The following FSTL4 variants were observed in gnomAD, a reference collection of about 807,000 sequenced individuals.
The protein encoded by FSTL4 is follistatin-related protein 4.
A neutral mutation model predicts 78.2 loss-of-function variants in FSTL4; 28 were observed. That is an observed-to-expected ratio of 0.36 (90% CI 0.27 to 0.49). The LOEUF is 0.49. FSTL4 is among the 20% of genes least tolerant of loss of function. The pLI, the probability that FSTL4 is intolerant of heterozygous loss-of-function variation, is 0.98. For missense variants in FSTL4, 922 were observed against 1,084.9 expected (o/e 0.85, Z 2.11); for synonymous variants, 422 against 440.5 (o/e 0.96, Z 0.53).
chr5:133,233,656 C>G (rs1751567989), intron 7 of FSTL4, 119 bp from the exon 8 acceptor site: 1 of 1,254,790 alleles, frequency 8.0e-7, no homozygotes. Context: ...TCTGCCTGGC[C>G]CTTGCTCAGC....
chr5:133,230,548 A>G (rs969828832), intron 8 of FSTL4, among the ~76,000 whole-genome samples: 3 of 152,190 alleles, frequency 2.0e-5, no homozygotes, highest in South Asian at 2.1e-4. Flanking sequence ...GCTTAGAGTG[A>G]GATGCACCCT....
intron 6 of FSTL4, among the ~76,000 whole-genome samples, chr5:133,252,596 G>C (rs1316689945): frequency 6.8e-6 from 1 of 147,502 alleles, no homozygotes; most frequent in East Asian, 2.0e-4. Flanking sequence ...TACATAGAGA[G>C]GGGGAATGCA....
At chr5:133,666,368 G>T in the FSTL4 span, among the ~76,000 whole-genome samples, 2 of 152,024 alleles carry the variant, frequency 1.3e-5, no homozygotes, top group Non-Finnish European at 2.9e-5. Context: ...AATTATAAAA[G>T]AAATTGAATT....
At chr5:133,669,919 ACCTCAAGATAAAGACCCAAAT>A in the FSTL4 span, among the ~76,000 whole-genome samples, 10 of 152,180 alleles carry the variant, frequency 6.6e-5, no homozygotes, top group South Asian at 2.1e-3. Context: ...GTTTCCATGA[ACCTCAAGATAAAGACCCAAAT>A]CCTAGCCTGG....
chr5:133,527,115 C>A (rs1317474159), intron 3 of FSTL4, among the ~76,000 whole-genome samples: 4 of 152,182 alleles, frequency 2.6e-5, no homozygotes, highest in Admixed American at 2.0e-4. Context: ...TCAGTCCCCA[C>A]ATGTCCTCTC....
Position 133,399,268 on chromosome 5 carries a change from C to T in FSTL4, c.409+1470G>A, listed in dbSNP as rs558405019. Among the ~76,000 whole-genome samples, 126 of 152,272 alleles carry T rather than the reference C, an allele frequency of 8.3e-4. 1 individual carries two copies. The highest frequency in any genetic ancestry group is 2.8e-3 in the African/African-American group (118 of 41,546). ...GTGTGCACGGTTGCAGAGGAACTGG[C>T]GGCACGTGGCTGGGCAGTGCTTCCA... On this transcript the variant is annotated intron_variant, in intron 4 of 15. Coordinates refer to ENST00000265342, the MANE Select transcript of FSTL4 (RefSeq NM_015082.2).
At chr5:133,725,127 G>A in the FSTL4 span, among the ~76,000 whole-genome samples, 1 of 152,138 alleles carries the variant, frequency 6.6e-6, no homozygotes, top group Non-Finnish European at 1.5e-5. Flanking sequence ...TTTATAGTAA[G>A]CCTTTCAATC....
At chr5:133,577,120 T>A (rs1199453982) in intron 2 of FSTL4, among the ~76,000 whole-genome samples, 1 of 152,132 alleles carries the variant, frequency 6.6e-6, no homozygotes, top group Non-Finnish European at 1.5e-5. Flanking sequence ...AACTATTGAG[T>A]TGTTGGATTT....
the FSTL4 span, among the ~76,000 whole-genome samples, chr5:133,705,413 G>A: frequency 5.9e-5 from 9 of 152,088 alleles, no homozygotes; most frequent in Non-Finnish European, 1.3e-4. Context: ...TGGCACAGAG[G>A]CTGCCTGCAG....
chr5:133,634,868 G>A, the FSTL4 span, among the ~76,000 whole-genome samples: 1 of 152,086 alleles, frequency 6.6e-6, no homozygotes, highest in African/African-American at 2.4e-5. Flanking sequence ...CAAATAGCAT[G>A]GCAATTAATT....
chr5:133,340,061 C>G (rs6880320), intron 4 of FSTL4, among the ~76,000 whole-genome samples: 12,523 of 152,146 alleles, frequency 0.082, 559 homozygotes, highest in Non-Finnish European at 0.093. Context: ...TGTTTCCCCC[C>G]ACACTCGTGT....
rs539187581 is a variant in FSTL4, at chr5:133,453,744, G to T, written c.161-52758C>A. Among the ~76,000 whole-genome samples, 19 of 152,360 alleles carry T rather than the reference G, an allele frequency of 1.2e-4. 1 individual carries two copies. In the South Asian group the frequency reaches 2.9e-3, roughly 23 times the overall value. On this transcript the variant is annotated intron_variant, in intron 3 of 15. Coordinates refer to ENST00000265342, the MANE Select transcript of FSTL4 (RefSeq NM_015082.2). Reference sequence around the variant, plus strand: ...GGCCACCATGTCCAGCACGGAGTTGGTGTCCAATAAGGACTCTTAGGTCAT... The same window carrying T: ...GGCCACCATGTCCAGCACGGAGTTGTTGTCCAATAAGGACTCTTAGGTCAT...
the FSTL4 span, among the ~76,000 whole-genome samples, chr5:133,789,464 T>A: frequency 6.6e-6 from 1 of 152,226 alleles, no homozygotes; most frequent in South Asian, 2.1e-4. Flanking sequence ...TCAATGACTC[T>A]TCAGGTCCAT....
intron 3 of FSTL4, among the ~76,000 whole-genome samples, chr5:133,534,245 A>G (rs1006775759): frequency 2.0e-5 from 3 of 152,044 alleles, no homozygotes; most frequent in African/African-American, 7.2e-5. Flanking sequence ...ATCCTAAACT[A>G]TCAGATGCAC....
chr5:133,830,785 C>A, the FSTL4 span, among the ~76,000 whole-genome samples: 3 of 152,164 alleles, frequency 2.0e-5, no homozygotes. Context: ...CGCGGCACAG[C>A]CTGAAGCACC....
At chr5:133,317,612 G>T (rs948980784) in intron 4 of FSTL4, among the ~76,000 whole-genome samples, 5 of 152,264 alleles carry the variant, frequency 3.3e-5, no homozygotes, top group African/African-American at 9.6e-5. Context: ...ATATCCCAGA[G>T]TTGGAGAGTC....
intron 6 of FSTL4, among the ~76,000 whole-genome samples, chr5:133,309,161 C>A (rs141665984): frequency 1.3e-5 from 2 of 152,046 alleles, no homozygotes; most frequent in East Asian, 3.9e-4. Flanking sequence ...CCAGCACACA[C>A]CTTGCTTATG....
chr5:133,403,712 G>A (rs1295467220), intron 3 of FSTL4, among the ~76,000 whole-genome samples: 1 of 152,198 alleles, frequency 6.6e-6, no homozygotes, highest in African/African-American at 2.4e-5. Flanking sequence ...TGTCCGTGGA[G>A]GTGGGTCTTC....
At chr5:133,772,470 C>T in the FSTL4 span, among the ~76,000 whole-genome samples, 1 of 152,172 alleles carries the variant, frequency 6.6e-6, no homozygotes, top group Non-Finnish European at 1.5e-5. Context: ...TATATTCAGT[C>T]TCCAACTGTC....
Sources: allele counts gnomAD v4.1 joint callset (sites outside exome capture counted in the v4.1 genomes callset), GRCh38; gene constraint gnomAD v4.1.1; transcripts MANE v1.5; gene names NCBI Gene and HGNC (gene_info 2026-07-23, HGNC 2026-07-21).